PDE8A: variants seen among roughly 807,000 people sequenced by gnomAD.
The protein encoded by PDE8A is high affinity cAMP-specific and IBMX-insensitive 3',5'-cyclic phosphodiesterase 8A.
A neutral mutation model predicts 105.0 loss-of-function variants in PDE8A; 59 were observed. The ratio of observed to expected loss-of-function variants is 0.56; its 90% CI spans 0.46 to 0.70. The LOEUF is 0.70. Ranked by LOEUF, PDE8A falls within the 30% of genes least tolerant of loss-of-function variation. The pLI is 0.00. For synonymous variants in PDE8A, 355 were observed against 371.9 expected (o/e 0.95, Z 0.52); for missense variants, 1,014 against 1,045.9 (o/e 0.97, Z 0.42).
chr15:85,075,239 A>C (rs1417792467), intron 3 of PDE8A, among the ~76,000 whole-genome samples: 1 of 152,226 alleles, frequency 6.6e-6, no homozygotes, highest in Non-Finnish European at 1.5e-5. Context: ...TCTTTGGGTA[A>C]CTTTAGTCGA....
intron 1 of PDE8A, among the ~76,000 whole-genome samples, chr15:85,045,353 A>G (rs1030065756): frequency 2.0e-5 from 3 of 152,236 alleles, no homozygotes; most frequent in Admixed American, 1.3e-4. Context: ...CCAGCTAGAT[A>G]CAGATTACGG....
chr15:85,026,383 A>G (rs1420173721), intron 1 of PDE8A, among the ~76,000 whole-genome samples: 4 of 152,102 alleles, frequency 2.6e-5, no homozygotes, highest in Admixed American at 1.3e-4. Flanking sequence ...GAACACCTAC[A>G]TGTAGACTCT....
intron 1 of PDE8A, among the ~76,000 whole-genome samples, chr15:84,992,337 G>A (rs1290426005): frequency 6.6e-6 from 1 of 152,156 alleles, no homozygotes; most frequent in East Asian, 1.9e-4. Flanking sequence ...ATGTGGATAA[G>A]TGGAAAATAT....
chr15:84,986,635 C>T (rs1041470847), intron 1 of PDE8A, among the ~76,000 whole-genome samples: 1 of 148,944 alleles, frequency 6.7e-6, no homozygotes, highest in Non-Finnish European at 1.5e-5. Context: ...TTTTTTAAGA[C>T]AGCGTCTTGC....
At chr15:85,002,078 C>G (rs1210794524) in intron 1 of PDE8A, among the ~76,000 whole-genome samples, 2 of 152,066 alleles carry the variant, frequency 1.3e-5, no homozygotes, top group Non-Finnish European at 2.9e-5. Context: ...AACTCCCACA[C>G]ACGTAAAGCA....
chr15:85,129,573 T>C (rs1437740265), intron 20 of PDE8A, among the ~76,000 whole-genome samples: 5 of 152,218 alleles, frequency 3.3e-5, no homozygotes, highest in African/African-American at 1.2e-4. Flanking sequence ...CCCACTTTCA[T>C]TCTGATTTTG....
At chr15:85,014,969 C>G (rs1369583955) in intron 1 of PDE8A, among the ~76,000 whole-genome samples, 1 of 152,148 alleles carries the variant, frequency 6.6e-6, no homozygotes, top group Admixed American at 6.5e-5. Context: ...AACCACTAAT[C>G]TATTTTCTGT....
At chr15:84,995,819 A>G (rs1287583470) in intron 1 of PDE8A, among the ~76,000 whole-genome samples, 3 of 152,240 alleles carry the variant, frequency 2.0e-5, no homozygotes, top group Admixed American at 6.5e-5. Flanking sequence ...ATAGGCATGC[A>G]CTACTTTACC....
intron 1 of PDE8A, among the ~76,000 whole-genome samples, chr15:85,013,053 T>A (rs2080267121): frequency 6.6e-6 from 1 of 152,206 alleles, no homozygotes; most frequent in African/African-American, 2.4e-5. Flanking sequence ...TGTACTCTTG[T>A]CACTTTTTTC....
intron 1 of PDE8A, among the ~76,000 whole-genome samples, chr15:85,056,168 T>A (rs1457449657): frequency 1.3e-5 from 2 of 152,204 alleles, no homozygotes; most frequent in Non-Finnish European, 2.9e-5. Flanking sequence ...GAGTTTCTGC[T>A]GAGATATCAG....
chr15:85,099,099 G>A (rs1470803216), intron 9 of PDE8A, among the ~76,000 whole-genome samples: 8 of 152,230 alleles, frequency 5.3e-5, no homozygotes, highest in Non-Finnish European at 8.8e-5. Flanking sequence ...GTATGGCAGT[G>A]GCCGTTGTAG....
chr15:85,041,096 T>A (rs2080800466), intron 1 of PDE8A, among the ~76,000 whole-genome samples: 1 of 152,196 alleles, frequency 6.6e-6, no homozygotes, highest in Non-Finnish European at 1.5e-5. Context: ...TGTAGGGTAA[T>A]GCAAGTGCAG....
In PDE8A at chr15:85,139,041, ATGACACT is replaced by A. The variant is rs1312095000; in HGVS notation, c.*1144_*1150del. 6.6e-6 allele frequency: 1 copy of A among 152,216 alleles called. No individual in the cohort carries two copies. Among genetic ancestry groups the A allele is most frequent in the Non-Finnish European group, 1.5e-5 (1 of 68,034 alleles). 9.4% of individuals were successfully genotyped at this position (152,216 alleles called of 1,614,324 possible). A position where few individuals can be genotyped will look rare whatever the true frequency, so the allele number is the denominator to read the frequency against. ...TTGAATAAGCATAATACCATAAAAA[ATGACACT>A]TGACATGTCAATGTATTTGTCATTT... On this transcript the variant is annotated 3_prime_UTR_variant, in exon 22 of 22. Coordinates refer to ENST00000394553, the MANE Select transcript of PDE8A (RefSeq NM_002605.3).
intron 8 of PDE8A, among the ~76,000 whole-genome samples, chr15:85,092,327 TG>T (rs201065696): frequency 2.4e-4 from 32 of 134,862 alleles, no homozygotes; most frequent in African/African-American, 4.9e-4. Flanking sequence ...TTTTTGTTGT[TG>T]TTTTTTTTTG....
In PDE8A at chr15:85,135,861, C is replaced by CT. The variant is rs879911712; in HGVS notation, c.2254-662dup. ...CTAAAGTACATAAATACTCAGAGCT[C>CT]TTTTTTTTTTTAAACATCCAGGATC... On this transcript the variant is annotated intron_variant, in intron 20 of 21. Coordinates refer to ENST00000394553, the MANE Select transcript of PDE8A (RefSeq NM_002605.3). Among the ~76,000 whole-genome samples the CT allele has an allele frequency of 9.2e-3, 1,354 of 147,474 alleles. 12 individuals are homozygous for CT. Among genetic ancestry groups the CT allele is most frequent in the Non-Finnish European group, 0.015 (982 of 66,462 alleles).
At chr15:85,091,901 CTTTTT>C (rs563631633) in intron 8 of PDE8A, among the ~76,000 whole-genome samples, 2 of 88,388 alleles carry the variant, frequency 2.3e-5, no homozygotes, top group African/African-American at 4.4e-5. Context: ...TTCTGCTGGA[CTTTTT>C]TTTTTTTTTT....
intron 3 of PDE8A, among the ~76,000 whole-genome samples, chr15:85,067,528 T>G (rs774257850): frequency 3.3e-5 from 5 of 152,202 alleles, no homozygotes; most frequent in Admixed American, 6.5e-5. Context: ...TTTCAAAGTT[T>G]TAAAAATTTT....
Position 85,137,957 on chromosome 15 carries a change from C to A in PDE8A, c.*54C>A. 1.8e-6 allele frequency: 2 copies of A among 1,134,606 alleles called. No individual in the cohort carries two copies. The highest frequency in any genetic ancestry group is 1.3e-5 in the South Asian group (1 of 79,100). 70.3% of individuals were successfully genotyped at this position (1,134,606 alleles called of 1,614,324 possible). On this transcript the variant is annotated 3_prime_UTR_variant, in exon 22 of 22. Coordinates refer to ENST00000394553, the MANE Select transcript of PDE8A (RefSeq NM_002605.3). ...TTTGTTCCTTCGGTCATTTGGAATT[C>A]CTGAGGGCAGCCAGAGCTCCTTGGT...
intron 1 of PDE8A, among the ~76,000 whole-genome samples, chr15:85,055,394 A>C (rs947130334): frequency 6.6e-6 from 1 of 152,100 alleles, no homozygotes; most frequent in South Asian, 2.1e-4. Context: ...TGATCTGTCT[A>C]ATGTTGACAG....
Sources: gnomAD v4.1 joint callset for allele counts (sites outside exome capture counted in the v4.1 genomes callset) on GRCh38, gnomAD v4.1.1 for gene constraint, MANE v1.5 for transcripts, NCBI Gene and HGNC (gene_info 2026-07-23, HGNC 2026-07-21) for gene names.